The following SYNPO2 variants were observed in gnomAD, a reference collection of about 807,000 sequenced individuals.
SYNPO2 encodes the protein synaptopodin 2.
In SYNPO2, 56 loss-of-function variants were observed where a neutral mutation model predicts 85.0. The ratio of observed to expected loss-of-function variants is 0.66; its 90% CI spans 0.53 to 0.82. The LOEUF (loss-of-function observed/expected upper bound fraction) is 0.82. SYNPO2 is among the 40% of genes least tolerant of loss of function. SYNPO2 has a pLI of 0.00. For missense variants in SYNPO2, 1,575 were observed against 1,534.2 expected (o/e 1.03, Z -0.44); for synonymous variants, 602 against 591.1 (o/e 1.02, Z -0.27).
At chr4:119,021,110 G>C (rs986306438) in intron 1 of SYNPO2, among the ~76,000 whole-genome samples, 2 of 152,098 alleles carry the variant, frequency 1.3e-5, no homozygotes, top group Non-Finnish European at 2.9e-5. Flanking sequence ...TCAGCAGTGG[G>C]GAAGGCTTTC....
intron 1 of SYNPO2, among the ~76,000 whole-genome samples, chr4:118,918,054 G>T (rs1385256216): frequency 6.6e-6 from 1 of 152,192 alleles, no homozygotes; most frequent in Non-Finnish European, 1.5e-5. Context: ...TAGGTGAAGA[G>T]TGCCTGCTGC....
At chr4:118,955,935 G>A (rs1734859878) in intron 1 of SYNPO2, among the ~76,000 whole-genome samples, 1 of 152,114 alleles carries the variant, frequency 6.6e-6, no homozygotes, top group African/African-American at 2.4e-5. Flanking sequence ...CAAGATGAGG[G>A]CCTAGAATTT....
chr4:119,054,076 G>C (rs1739134378), intron 4 of SYNPO2, among the ~76,000 whole-genome samples: 1 of 152,214 alleles, frequency 6.6e-6, no homozygotes, highest in Admixed American at 6.5e-5. Flanking sequence ...GGGGTGCCCT[G>C]TTTACTCAGC....
At chr4:118,967,100 A>G (rs906864600) in intron 1 of SYNPO2, among the ~76,000 whole-genome samples, 19 of 152,198 alleles carry the variant, frequency 1.2e-4, no homozygotes, top group African/African-American at 4.3e-4. Flanking sequence ...CTTATAACAC[A>G]GGAGTGTACT....
intron 1 of SYNPO2, among the ~76,000 whole-genome samples, chr4:118,896,334 G>T (rs1578527424): frequency 6.6e-6 from 1 of 152,094 alleles, no homozygotes; most frequent in East Asian, 1.9e-4. Context: ...GACTGAAAAT[G>T]GAACCAGTCT....
intron 1 of SYNPO2, among the ~76,000 whole-genome samples, chr4:118,913,737 C>T (rs1233960954): frequency 6.6e-6 from 1 of 152,040 alleles, no homozygotes; most frequent in African/African-American, 2.4e-5. Context: ...TGCTACCTCA[C>T]CATCATGGAA....
intron 1 of SYNPO2, among the ~76,000 whole-genome samples, chr4:118,858,408 C>T (rs936673606): frequency 2.0e-5 from 3 of 152,182 alleles, no homozygotes; most frequent in Non-Finnish European, 4.4e-5. Flanking sequence ...TCTGATATGG[C>T]TAGCAGGCCT....
Position 119,060,885 on chromosome 4 carries a change from A to G in SYNPO2, c.*2951A>G, listed in dbSNP as rs1739391688. On this transcript the variant is annotated 3_prime_UTR_variant, in exon 5 of 5. Transcript: ENST00000307142. ...TTCTTAAATGCGTGGATTCTTGTTC[A>G]TTTATCTCTGAATATGTCTCTTTTA... 1 of 152,002 alleles carries G rather than the reference A, an allele frequency of 6.6e-6. No individual in the cohort carries two copies. Among genetic ancestry groups the G allele is most frequent in the South Asian group, 2.1e-4 (1 of 4,830 alleles). 9.4% of individuals were successfully genotyped at this position (152,002 alleles called of 1,614,324 possible).
chr4:118,882,509 C>G (rs1732123575), intron 1 of SYNPO2, among the ~76,000 whole-genome samples: 1 of 152,172 alleles, frequency 6.6e-6, no homozygotes. Context: ...CATTCCTTGA[C>G]ATTACAGACA....
chr4:119,033,176 C>T (rs1402393543), intron 4 of SYNPO2: 9 of 985,252 alleles, frequency 9.1e-6, no homozygotes, highest in African/African-American at 1.7e-5. Flanking sequence ...CGAGGAACCC[C>T]ATGTGTGTGG....
At chr4:118,959,606 C>A (rs1200242746) in intron 1 of SYNPO2, among the ~76,000 whole-genome samples, 2 of 152,176 alleles carry the variant, frequency 1.3e-5, no homozygotes, top group Non-Finnish European at 2.9e-5. Flanking sequence ...TGGGGCAAAT[C>A]CAAGAAACCT....
chr4:118,932,961 A>G (rs1482798271), intron 1 of SYNPO2, among the ~76,000 whole-genome samples: 1 of 152,200 alleles, frequency 6.6e-6, no homozygotes, highest in Non-Finnish European at 1.5e-5. Context: ...AAAATTCACA[A>G]TTTTATTTTA....
chr4:118,868,915 A>G (rs187041337), intron 1 of SYNPO2, among the ~76,000 whole-genome samples: 1 of 152,262 alleles, frequency 6.6e-6, no homozygotes, highest in East Asian at 1.9e-4. Flanking sequence ...GGGGCTTAAG[A>G]GTCTGGCTTG....
intron 1 of SYNPO2, among the ~76,000 whole-genome samples, chr4:118,893,648 C>T (rs1234967184): frequency 6.6e-6 from 1 of 152,084 alleles, no homozygotes; most frequent in Non-Finnish European, 1.5e-5. Context: ...AGTTTGTACC[C>T]AACCTTGATT....
intron 4 of SYNPO2, among the ~76,000 whole-genome samples, chr4:119,053,675 T>G (rs1246635208): frequency 6.6e-6 from 1 of 152,236 alleles, no homozygotes; most frequent in Admixed American, 6.5e-5. Flanking sequence ...CTGAACAATA[T>G]TTTGAACTTT....
rs555730213 is a variant in SYNPO2 at position 119,030,914 on chromosome 4, C to T, written c.2139C>T (p.Leu713=). 1 of 1,614,198 alleles carries T rather than the reference C, an allele frequency of 6.2e-7. No homozygotes were observed. The highest frequency in any genetic ancestry group is 1.1e-5 in the South Asian group (1 of 91,080). The change falls in exon 4 of 5, where the codon CTC becomes CTT. Residue 713 remains leucine, a synonymous_variant. Transcript: ENST00000307142. ...KVSPNPELLS[L]LQNSEGKRGT... is the part of the protein sequence containing the mutation. ...GCCCAAATCCTGAACTCTTGTCACT[C>T]CTTCAAAATTCAGAAGGCAAACGGG...
intron 1 of SYNPO2, among the ~76,000 whole-genome samples, chr4:118,899,259 A>C (rs1173458390): frequency 2.0e-5 from 3 of 152,236 alleles, no homozygotes; most frequent in East Asian, 1.9e-4. Flanking sequence ...CTGATGGGCT[A>C]ATATTTTATG....
chr4:118,929,458 C>A (rs1560876429), intron 1 of SYNPO2, among the ~76,000 whole-genome samples: 1 of 151,996 alleles, frequency 6.6e-6, no homozygotes, highest in Non-Finnish European at 1.5e-5. Flanking sequence ...CTTCTAATCT[C>A]ATTTTGACTA....
chr4:119,038,016 T>C, intron 4 of SYNPO2: 22 of 399,020 alleles, frequency 5.5e-5, no homozygotes, highest in Non-Finnish European at 7.5e-5. Context: ...AGATGAGGTA[T>C]CTAAGCTCAG....
Sources: gnomAD v4.1 joint callset for allele counts (sites outside exome capture counted in the v4.1 genomes callset) on GRCh38, gnomAD v4.1.1 for gene constraint, MANE v1.5 for transcripts, NCBI Gene and HGNC (gene_info 2026-07-23, HGNC 2026-07-21) for gene names.